The following EPHA5 variants were observed in gnomAD, a reference collection of about 807,000 sequenced individuals.
EPHA5 encodes ephrin type-A receptor 5.
EPHA5 carries 60 observed loss-of-function variants against 105.0 expected under a neutral mutation model. The ratio of observed to expected loss-of-function variants is 0.57; its 90% CI spans 0.46 to 0.71. The LOEUF is 0.71. Among genes scored for constraint, EPHA5 ranks in the 30% least tolerant of loss-of-function variants. EPHA5 has a pLI of 0.00. For synonymous variants in EPHA5, 513 were observed against 449.1 expected (o/e 1.14, Z -1.80); for missense variants, 1,218 against 1,274.7 (o/e 0.96, Z 0.68).
intron 8 of EPHA5, among the ~76,000 whole-genome samples, chr4:65,390,844 A>G (rs1051255414): frequency 6.6e-6 from 1 of 152,090 alleles, no homozygotes; most frequent in Non-Finnish European, 1.5e-5. Flanking sequence ...AAAAAAAGTA[A>G]TGAGAGAAAC....
At chr4:65,623,094 T>C (rs567384558) in intron 2 of EPHA5, among the ~76,000 whole-genome samples, 1 of 152,214 alleles carries the variant, frequency 6.6e-6, no homozygotes, top group East Asian at 1.9e-4. Flanking sequence ...CCTTGTTAAA[T>C]AACGATTATT....
Position 65,399,148 on chromosome 4 carries a change from T to C in EPHA5, c.1793+5226A>G, listed in dbSNP as rs147768067. ...TTTGCAGTTTCTGGCATTTCCAAGT[T>C]TCCAGGCATCACCACATTCCCCTCA... On this transcript the variant is annotated intron_variant, in intron 8 of 16. Transcript: ENST00000613740. Among the ~76,000 whole-genome samples the C allele has an allele frequency of 1.4e-3, 219 of 152,286 alleles. 1 individual carries two copies. The highest frequency in any genetic ancestry group is 5.1e-3 in the African/African-American group (213 of 41,548).
chr4:65,474,518 G>A (rs1392910352), intron 5 of EPHA5, among the ~76,000 whole-genome samples: 1 of 152,108 alleles, frequency 6.6e-6, no homozygotes, highest in Non-Finnish European at 1.5e-5. Context: ...GGCTTGAAGA[G>A]TCAATAAACT....
At chr4:65,621,691 A>G (rs186696361) in intron 2 of EPHA5, among the ~76,000 whole-genome samples, 28 of 152,272 alleles carry the variant, frequency 1.8e-4, no homozygotes, top group African/African-American at 6.7e-4. Flanking sequence ...GTGCCCAGGG[A>G]CAAAGACACG....
chr4:65,602,406 T>G, intron 2 of EPHA5, 102 bp from the exon 3 acceptor site: 3 of 860,380 alleles, frequency 3.5e-6, no homozygotes, highest in Non-Finnish European at 5.1e-6. Context: ...GATATAGAAA[T>G]ATTCGTATCC....
intron 7 of EPHA5, among the ~76,000 whole-genome samples, chr4:65,406,378 C>T (rs551782931): frequency 4.6e-5 from 7 of 152,228 alleles, no homozygotes; most frequent in Non-Finnish European, 8.8e-5. Context: ...CATTGTAAGG[C>T]GTTTGACTTA....
chr4:65,395,986 G>A (rs1292382671), intron 8 of EPHA5, among the ~76,000 whole-genome samples: 1 of 152,118 alleles, frequency 6.6e-6, no homozygotes, highest in Non-Finnish European at 1.5e-5. Flanking sequence ...CTTCCAAATT[G>A]GCAGGGCAGG....
At chr4:65,561,188 TA>T (rs913608847) in intron 3 of EPHA5, among the ~76,000 whole-genome samples, 154 of 147,482 alleles carry the variant, frequency 1.0e-3, no homozygotes, top group Admixed American at 1.7e-3. Flanking sequence ...ACACAAACAT[TA>T]AAAAAAAAAC....
intron 8 of EPHA5, 125 bp downstream of exon 8, chr4:65,404,249 T>C (rs1722135381): frequency 3.0e-6 from 2 of 671,646 alleles, no homozygotes; most frequent in East Asian, 5.4e-5. Flanking sequence ...CATCATGTAT[T>C]GAGATTATCT....
intron 8 of EPHA5, among the ~76,000 whole-genome samples, chr4:65,392,905 T>G (rs1320309862): frequency 6.6e-6 from 1 of 152,166 alleles, no homozygotes; most frequent in Non-Finnish European, 1.5e-5. Context: ...AAGCCTTTAT[T>G]CTCTAAATAC....
chr4:65,660,963 C>T (rs1472415802), intron 1 of EPHA5, among the ~76,000 whole-genome samples: 4 of 152,088 alleles, frequency 2.6e-5, no homozygotes, highest in African/African-American at 9.7e-5. Context: ...CACACAGAGA[C>T]CATGTAGGGC....
Position 65,613,226 on chromosome 4 carries a change from G to C in EPHA5, c.247-10922C>G, listed in dbSNP as rs192452095. Among the ~76,000 whole-genome samples, 17 of 152,088 alleles carry C rather than the reference G, an allele frequency of 1.1e-4. No individual in the cohort carries two copies. The East Asian group carries it at 3.3e-3, about 29-fold the overall frequency. ...TTCTGGGACTCTATTCTGTTCCACT[G>C]ATCTATCTGTCTATTTTTATGCCTG... On this transcript the variant is annotated intron_variant, in intron 2 of 16. Coordinates refer to ENST00000613740, the MANE Select transcript of EPHA5 (RefSeq NM_001281766.3).
At position 65,448,648 on chromosome 4, in the gene EPHA5, G is replaced by A. The variant is rs548023142; in HGVS notation, c.1403-28083C>T. 1.1e-4 allele frequency among the ~76,000 whole-genome samples: 16 copies of A among 151,926 alleles called. No individual in the cohort carries two copies. In the East Asian group the frequency reaches 1.4e-3, roughly 13 times the overall value. Reference sequence around the variant, plus strand: ...GAGTGACAGAGCCAGACTCCATCTCGAAAACATAGAAACAAACAACAACAA... The same window carrying A: ...GAGTGACAGAGCCAGACTCCATCTCAAAAACATAGAAACAAACAACAACAA... On this transcript the variant is annotated intron_variant, in intron 5 of 16. Coordinates refer to ENST00000613740, the MANE Select transcript of EPHA5 (RefSeq NM_001281766.3).
intron 12 of EPHA5, among the ~76,000 whole-genome samples, chr4:65,352,426 C>T (rs1722902117): frequency 3.3e-5 from 5 of 152,010 alleles, no homozygotes; most frequent in Admixed American, 3.3e-4. Flanking sequence ...GTTACATTGT[C>T]TAACACAAGC....
chr4:65,528,808 C>A (rs1377435267), intron 3 of EPHA5, among the ~76,000 whole-genome samples: 1 of 152,124 alleles, frequency 6.6e-6, no homozygotes, highest in Non-Finnish European at 1.5e-5. Context: ...CTTCTTTCCC[C>A]GTTCCATAAC....
intron 8 of EPHA5, among the ~76,000 whole-genome samples, chr4:65,386,612 C>T (rs547963300): frequency 6.6e-6 from 1 of 151,710 alleles, no homozygotes; most frequent in Non-Finnish European, 1.5e-5. Context: ...ACATTCATGA[C>T]AAAGATCAAA....
intron 3 of EPHA5, among the ~76,000 whole-genome samples, chr4:65,589,167 G>A (rs1742398016): frequency 1.3e-5 from 2 of 151,932 alleles, no homozygotes; most frequent in Non-Finnish European, 2.9e-5. Context: ...AACCACTCAG[G>A]GCCTGGTAAT....
chr4:65,365,649 CTATATATATA>C (rs57048004), intron 10 of EPHA5, among the ~76,000 whole-genome samples: 749 of 64,858 alleles, frequency 0.012, 23 homozygotes, highest in East Asian at 0.047. Context: ...TACAAATTCA[CTATATATATA>C]TATATATATA....
chr4:65,467,256 G>A (rs926329874), intron 5 of EPHA5, among the ~76,000 whole-genome samples: 1 of 152,134 alleles, frequency 6.6e-6, no homozygotes. Flanking sequence ...GAGTTTGTCT[G>A]CTCAGAGAAT....
Sources: allele counts gnomAD v4.1 joint callset (sites outside exome capture counted in the v4.1 genomes callset), GRCh38; gene constraint gnomAD v4.1.1; transcripts MANE v1.5; gene names NCBI Gene and HGNC (gene_info 2026-07-23, HGNC 2026-07-21).